IQCJ: variants seen among roughly 807,000 people sequenced by gnomAD.
IQCJ encodes the protein IQ motif containing J.
IQCJ carries 9 observed loss-of-function variants against 11.0 expected under a neutral mutation model. That is an observed-to-expected ratio of 0.82 (90% CI 0.49 to 1.43). IQCJ has a LOEUF of 1.43. IQCJ is among the 40% of genes most tolerant of loss of function. The pLI is 0.00. For synonymous variants in IQCJ, 55 were observed against 51.3 expected (o/e 1.07, Z -0.31); for missense variants, 146 against 133.2 (o/e 1.10, Z -0.47).
At chr3:159,139,199 T>C (rs1413694031) in intron 1 of IQCJ, among the ~76,000 whole-genome samples, 2 of 152,218 alleles carry the variant, frequency 1.3e-5, no homozygotes, top group Non-Finnish European at 2.9e-5. Context: ...TTTATTTACA[T>C]CTGTGCATTG....
At chr3:159,212,523 G>A (rs1283590021) in intron 1 of IQCJ, among the ~76,000 whole-genome samples, 1 of 152,124 alleles carries the variant, frequency 6.6e-6, no homozygotes, top group African/African-American at 2.4e-5. Context: ...AACAATTTCT[G>A]GCTCTACTTC....
chr3:159,113,684 G>A (rs1443000775), intron 1 of IQCJ, among the ~76,000 whole-genome samples: 2 of 152,214 alleles, frequency 1.3e-5, no homozygotes, highest in African/African-American at 4.8e-5. Flanking sequence ...GTACCTGTCA[G>A]ATGCTGGGGC....
intron 1 of IQCJ, among the ~76,000 whole-genome samples, chr3:159,144,632 A>G (rs568433388): frequency 1.9e-4 from 27 of 142,440 alleles, no homozygotes; most frequent in African/African-American, 6.9e-4. Flanking sequence ...GCCATATTCT[A>G]TCTAGACGTA....
chr3:159,082,232 G>A (rs985647656), intron 1 of IQCJ, among the ~76,000 whole-genome samples: 2 of 151,964 alleles, frequency 1.3e-5, no homozygotes, highest in African/African-American at 4.8e-5. Context: ...ATACAACAAA[G>A]ATATATGAAA....
At chr3:159,265,115 A>G, downstream of IQCJ, 1 of 946,298 alleles carries the variant, frequency 1.1e-6, no homozygotes, top group Non-Finnish European at 1.6e-6. Flanking sequence ...CTGGTTTGTC[A>G]CTTAGGTAAA....
At chr3:159,252,910 C>T in intron 3 of IQCJ, 103 bp downstream of exon 3, 1 of 1,130,752 alleles carries the variant, frequency 8.8e-7, no homozygotes, top group Non-Finnish European at 1.3e-6. Flanking sequence ...CTTTATTTTA[C>T]ATTCATGTGC....
intron 1 of IQCJ, among the ~76,000 whole-genome samples, chr3:159,075,564 G>A (rs575355832): frequency 1.2e-4 from 18 of 152,128 alleles, no homozygotes; most frequent in East Asian, 7.8e-4. Context: ...TAGAGCTATC[G>A]TAAGCCAATG....
intron 1 of IQCJ, among the ~76,000 whole-genome samples, chr3:159,143,140 G>C (rs1720723439): frequency 6.6e-6 from 1 of 152,172 alleles, no homozygotes; most frequent in Non-Finnish European, 1.5e-5. Context: ...ACAAAACACT[G>C]AAGTCACCAT....
chr3:159,151,856 A>C (rs749311988), intron 1 of IQCJ, among the ~76,000 whole-genome samples: 58 of 152,260 alleles, frequency 3.8e-4, no homozygotes, highest in Admixed American at 9.2e-4. Flanking sequence ...AGATGGTCTC[A>C]ATCTCCCAAC....
intron 1 of IQCJ, among the ~76,000 whole-genome samples, chr3:159,104,431 CTGTG>C (rs1234394518): frequency 6.6e-6 from 1 of 152,192 alleles, no homozygotes; most frequent in Non-Finnish European, 1.5e-5. Flanking sequence ...TACATAGTCA[CTGTG>C]TGTAAGTGTA....
At chr3:159,172,631 G>T (rs1722543248) in intron 1 of IQCJ, among the ~76,000 whole-genome samples, 1 of 151,934 alleles carries the variant, frequency 6.6e-6, no homozygotes, top group Non-Finnish European at 1.5e-5. Context: ...GATCCTAATT[G>T]CAACTTTTCC....
chr3:159,262,728 C>A lies in IQCJ; in HGVS notation c.336C>A (p.Asn112Lys). 1 of 1,612,868 alleles carries A rather than the reference C, an allele frequency of 6.2e-7. No homozygotes were observed. The highest frequency in any genetic ancestry group is 2.2e-5 in the East Asian group (1 of 44,846). The change falls in exon 4 of 4, where the codon AAC becomes AAA. Residue 112 changes from asparagine to lysine, a missense_variant. By Grantham distance (94) the Asn-to-Lys change is moderately conservative. Coordinates refer to ENST00000397832, the MANE Select transcript of IQCJ (RefSeq NM_001042706.3). ...TTCTATGTCCTGACTTGACATTCAA[C>A]TGAAAGCCTAGACTTTGGTTCTAAG... is the stretch of plus-strand genomic sequence containing the variant. ...FLFLCPDLTFN is the reference protein window; with the variant it reads ...FLFLCPDLTFK
intron 1 of IQCJ, among the ~76,000 whole-genome samples, chr3:159,145,555 A>G (rs994511407): frequency 1.3e-5 from 2 of 149,114 alleles, no homozygotes. Context: ...GATTCTTGAA[A>G]TAGTTTCCCT....
At chr3:159,110,395 T>G (rs1383503922) in intron 1 of IQCJ, among the ~76,000 whole-genome samples, 1 of 152,190 alleles carries the variant, frequency 6.6e-6, no homozygotes, top group Non-Finnish European at 1.5e-5. Context: ...ACTTTGTACC[T>G]TTGCATCTGT....
chr3:159,207,915 T>G (rs1316252439), intron 1 of IQCJ, among the ~76,000 whole-genome samples: 3 of 152,222 alleles, frequency 2.0e-5, no homozygotes, highest in Non-Finnish European at 4.4e-5. Flanking sequence ...ATCTTCTGAC[T>G]TCATTTGTAC....
intron 1 of IQCJ, among the ~76,000 whole-genome samples, chr3:159,172,821 A>G (rs1722562063): frequency 6.6e-6 from 1 of 152,156 alleles, no homozygotes; most frequent in African/African-American, 2.4e-5. Context: ...ATGATGAATG[A>G]TAGAGCATAC....
chr3:159,084,135 T>A (rs1394232617), intron 1 of IQCJ, among the ~76,000 whole-genome samples: 28 of 152,132 alleles, frequency 1.8e-4, no homozygotes, highest in African/African-American at 6.5e-4. Context: ...GATATTATAC[T>A]ATATTTATGT....
At chr3:159,080,629 C>A (rs530399630) in intron 1 of IQCJ, among the ~76,000 whole-genome samples, 6 of 152,276 alleles carry the variant, frequency 3.9e-5, no homozygotes, top group African/African-American at 1.2e-4. Flanking sequence ...TGCTATTTGA[C>A]AGGCCGTTTA....
At chr3:159,107,455 A>G (rs9866888) in intron 1 of IQCJ, among the ~76,000 whole-genome samples, 7,358 of 152,160 alleles carry the variant, frequency 0.048, 568 homozygotes, top group African/African-American at 0.17. Flanking sequence ...AGTTTATAGT[A>G]TTTTGTTATA....
Sources: allele counts gnomAD v4.1 joint callset (sites outside exome capture counted in the v4.1 genomes callset), GRCh38; gene constraint gnomAD v4.1.1; transcripts MANE v1.5; gene names NCBI Gene and HGNC (gene_info 2026-07-23, HGNC 2026-07-21).